PGAP1: variants seen among roughly 807,000 people sequenced by gnomAD.
PGAP1 encodes post-GPI attachment to proteins inositol deacylase 1, also known as GPI inositol-deacylase.
PGAP1 carries 76 observed loss-of-function variants against 127.0 expected under a neutral mutation model. The ratio of observed to expected loss-of-function variants is 0.60; its 90% CI spans 0.50 to 0.72. The LOEUF is 0.72. Ranked by LOEUF, PGAP1 falls within the 30% of genes least tolerant of loss-of-function variation. PGAP1 has a pLI of 0.00. For synonymous variants in PGAP1, 362 were observed against 366.5 expected (o/e 0.99, Z 0.14); for missense variants, 982 against 1,071.3 (o/e 0.92, Z 1.16).
rs1013166676 is a variant in PGAP1 at position 196,841,096 on chromosome 2, A to G, written c.*138T>C. 8.9e-6 allele frequency: 9 copies of G among 1,005,724 alleles called. No homozygotes were observed. In the East Asian group the frequency reaches 2.0e-4, roughly 22 times the overall value. 62.3% of individuals were successfully genotyped at this position (1,005,724 alleles called of 1,614,324 possible). ...ACTTCCCTCAAACATTACAAAACTA[A>G]TTTCCTATTTTCAATATTGTAAAAA... is the stretch of plus-strand genomic sequence containing the variant. On this transcript the variant is annotated 3_prime_UTR_variant, in exon 27 of 27. Transcript: ENST00000354764.
chr2:196,895,588 AACTT>A (rs1403290943), intron 7 of PGAP1, among the ~76,000 whole-genome samples: 1 of 152,192 alleles, frequency 6.6e-6, no homozygotes, highest in African/African-American at 2.4e-5. Context: ...TAAATATACT[AACTT>A]AATACCGAAT....
chr2:196,903,801 G>A (rs530592490), intron 4 of PGAP1, among the ~76,000 whole-genome samples: 28 of 152,254 alleles, frequency 1.8e-4, no homozygotes, highest in African/African-American at 5.5e-4. Context: ...TATTGAAGGT[G>A]AAAAAAGCCT....
At chr2:196,926,083 G>C (rs143331703) in intron 1 of PGAP1, among the ~76,000 whole-genome samples, 2 of 152,222 alleles carry the variant, frequency 1.3e-5, no homozygotes, top group Non-Finnish European at 2.9e-5. Context: ...GAACGCGAGA[G>C]GGATGGAGCT....
intron 7 of PGAP1, among the ~76,000 whole-genome samples, chr2:196,895,961 A>G (rs1004828912): frequency 5.9e-5 from 9 of 152,224 alleles, no homozygotes; most frequent in Admixed American, 6.5e-5. Context: ...AGTTCTCAAA[A>G]TATATTTCCA....
At chr2:196,921,385 G>A (rs180687166) in intron 1 of PGAP1, among the ~76,000 whole-genome samples, 5 of 152,078 alleles carry the variant, frequency 3.3e-5, no homozygotes, top group East Asian at 1.9e-4. Flanking sequence ...CCCACTATTC[G>A]TTTTATATTT....
chr2:196,837,868 G>A lies in PGAP1; in HGVS notation c.*3366C>T, dbSNP rs569991613. On this transcript the variant is annotated 3_prime_UTR_variant, in exon 27 of 27. Transcript: ENST00000354764. ...ATCTGAATTTGTCTAGCCAAAATAT[G>A]AAAAAATAAAGATTAATCAATACAT... The A allele has an allele frequency of 6.6e-6, 1 of 151,972 alleles. No individual in the cohort carries two copies. Among genetic ancestry groups the A allele is most frequent in the South Asian group, 2.1e-4 (1 of 4,810 alleles). 9.4% of individuals were successfully genotyped at this position (151,972 alleles called of 1,614,324 possible). A position where few individuals can be genotyped will look rare whatever the true frequency, so the allele number is the denominator to read the frequency against.
At chr2:196,854,194 C>G (rs931201198) in intron 20 of PGAP1, among the ~76,000 whole-genome samples, 1 of 151,850 alleles carries the variant, frequency 6.6e-6, no homozygotes, top group Non-Finnish European at 1.5e-5. Context: ...ACCACACACC[C>G]GGCCGAAAAT....
intron 1 of PGAP1, among the ~76,000 whole-genome samples, chr2:196,924,133 A>G (rs1281907871): frequency 6.6e-6 from 1 of 152,226 alleles, no homozygotes; most frequent in Non-Finnish European, 1.5e-5. Context: ...TCATTTTTGC[A>G]AAGAGTTTCA....
intron 20 of PGAP1, among the ~76,000 whole-genome samples, chr2:196,855,502 A>G (rs1223634598): frequency 6.6e-6 from 1 of 152,146 alleles, no homozygotes; most frequent in Non-Finnish European, 1.5e-5. Context: ...TGATGGGCTC[A>G]GGAAACTGCT....
In PGAP1 at chr2:196,852,562, ATAAGAAAGG is replaced by A. The variant is rs1233323090; in HGVS notation, c.1862-4534_1862-4526del. On this transcript the variant is annotated intron_variant, in intron 20 of 26. Transcript: ENST00000354764. ...TAATGTATTATTGATGAGAAAAATTATAAGAAAGGCATACAAATGTGTTCTTTATTGACA... is the reference window on the plus strand; with the variant it reads ...TAATGTATTATTGATGAGAAAAATTACATACAAATGTGTTCTTTATTGACA... Among the ~76,000 whole-genome samples, 226 of 152,132 alleles carry A rather than the reference ATAAGAAAGG, an allele frequency of 1.5e-3. 1 individual carries two copies. The highest frequency in any genetic ancestry group is 5.2e-3 in the African/African-American group (217 of 41,566).
intron 1 of PGAP1, among the ~76,000 whole-genome samples, chr2:196,926,235 G>A (rs1458860051): frequency 6.6e-6 from 1 of 151,850 alleles, no homozygotes; most frequent in African/African-American, 2.4e-5. Context: ...CGACCACGAG[G>A]ATGCTCTCGG....
At chr2:196,886,157 C>CTT (rs768495810) in intron 10 of PGAP1, among the ~76,000 whole-genome samples, 223 of 122,100 alleles carry the variant, frequency 1.8e-3, no homozygotes, top group Non-Finnish European at 2.3e-3. Context: ...CTGGTTATCT[C>CTT]TTTTTTTTTT....
At chr2:196,919,451 A>G (rs1703114383) in intron 2 of PGAP1, among the ~76,000 whole-genome samples, 2 of 152,232 alleles carry the variant, frequency 1.3e-5, no homozygotes, top group African/African-American at 4.8e-5. Flanking sequence ...AATTAATTCC[A>G]GGTTATTTGG....
Position 196,837,009 on chromosome 2 carries a change from A to G in PGAP1, c.*4225T>C, listed in dbSNP as rs1298664802. 2 of 152,166 alleles carry G rather than the reference A, an allele frequency of 1.3e-5. No homozygotes were observed. The highest frequency in any genetic ancestry group is 6.5e-5 in the Admixed American group (1 of 15,284). 9.4% of individuals were successfully genotyped at this position (152,166 alleles called of 1,614,324 possible). ...TCCCAACACATTTTCATTTTTCCCAAATGATTAATAATAACCAGTTACTAA... is the reference window on the plus strand; with the variant it reads ...TCCCAACACATTTTCATTTTTCCCAGATGATTAATAATAACCAGTTACTAA... On this transcript the variant is annotated 3_prime_UTR_variant, in exon 27 of 27. Transcript: ENST00000354764.
At chr2:196,851,621 G>A (rs866998607) in intron 20 of PGAP1, among the ~76,000 whole-genome samples, 1 of 152,128 alleles carries the variant, frequency 6.6e-6, no homozygotes, top group African/African-American at 2.4e-5. Flanking sequence ...GTAGGACCTT[G>A]AATAGGATTA....
In PGAP1 at chr2:196,837,778, C is replaced by T. The variant is rs1700276769; in HGVS notation, c.*3456G>A. On this transcript the variant is annotated 3_prime_UTR_variant, in exon 27 of 27. Transcript: ENST00000354764. ...CTATTACAGTTATTTCTTCTTTTTT[C>T]CTTACTATATAATCATGTAGATTAG... The T allele has an allele frequency of 6.6e-6, 1 of 152,000 alleles. No homozygotes were observed. Among genetic ancestry groups the T allele is most frequent in the African/African-American group, 2.4e-5 (1 of 41,386 alleles). The allele number at this position is 152,000 out of a possible 1,614,324, so 9.4% of individuals were successfully genotyped here.
At chr2:196,919,403 C>T (rs540056234) in intron 2 of PGAP1, among the ~76,000 whole-genome samples, 2 of 152,240 alleles carry the variant, frequency 1.3e-5, no homozygotes, top group African/African-American at 4.8e-5. Flanking sequence ...AATTCTAGTC[C>T]ATCAAATAAC....
At chr2:196,852,868 G>A (rs1009724632) in intron 20 of PGAP1, among the ~76,000 whole-genome samples, 3 of 152,138 alleles carry the variant, frequency 2.0e-5, no homozygotes, top group Admixed American at 1.3e-4. Context: ...GGCTAAGCAT[G>A]TTATCAAAGG....
intron 2 of PGAP1, 39 bp from the exon 3 acceptor site, chr2:196,916,632 T>G: frequency 6.5e-7 from 1 of 1,526,832 alleles, no homozygotes; most frequent in Non-Finnish European, 8.8e-7. Context: ...TAAACAATAT[T>G]TACAGGTTTC....
Sources: allele counts gnomAD v4.1 joint callset (sites outside exome capture counted in the v4.1 genomes callset), GRCh38; gene constraint gnomAD v4.1.1; transcripts MANE v1.5; gene names NCBI Gene and HGNC (gene_info 2026-07-23, HGNC 2026-07-21).